Variants in RELB observed in about 807,000 individuals in gnomAD.
The protein encoded by RELB is transcription factor RelB.
A neutral mutation model predicts 55.4 loss-of-function variants in RELB; 14 were observed. The observed-to-expected ratio is 0.25, with a 90% CI of 0.17 to 0.40. The LOEUF is 0.40. RELB is among the 10% of genes least tolerant of loss of function. RELB has a pLI of 1.00. For missense variants in RELB, 669 were observed against 830.7 expected (o/e 0.81, Z 2.39); for synonymous variants, 409 against 371.3 (o/e 1.10, Z -1.17).
At chr19:45,032,441 A>C in intron 8 of RELB, 93 bp from the exon 9 acceptor site, 1 of 1,026,414 alleles carries the variant, frequency 9.7e-7, no homozygotes. Flanking sequence ...AAAAAGGGGG[A>C]ATATTAGTCT....
At position 45,028,845 on chromosome 19, in the gene RELB, C is replaced by T. The variant is rs200659038; in HGVS notation, c.887-43C>T. The T allele has an allele frequency of 1.8e-4, 275 of 1,511,630 alleles. No homozygotes were observed. The African/African-American group carries it at 3.1e-3, about 17-fold the overall frequency. The allele number at this position is 1,511,630 out of a possible 1,614,324, so 93.6% of individuals were successfully genotyped here. Reference sequence around the variant, plus strand: ...AGTAAGGCTTTGGTGACTGAATTCTCGGGATTTTTTTTAATACACTTCTTC... The same window carrying T: ...AGTAAGGCTTTGGTGACTGAATTCTTGGGATTTTTTTTAATACACTTCTTC... On this transcript the variant is annotated intron_variant, in intron 7 of 11. Transcript: ENST00000221452.
intron 5 of RELB, 75 bp downstream of exon 5, chr19:45,022,285 C>T (rs1971499522): frequency 1.4e-6 from 2 of 1,437,230 alleles, no homozygotes; most frequent in Non-Finnish European, 1.9e-6. Flanking sequence ...ACCCATGAAA[C>T]TTTAGAGCAG....
intron 4 of RELB, among the ~76,000 whole-genome samples, chr19:45,017,558 T>G (rs1485352983): frequency 6.6e-6 from 1 of 151,936 alleles, no homozygotes; most frequent in Non-Finnish European, 1.5e-5. Flanking sequence ...AAAGTTTTAG[T>G]TTTTTCCTGT....
chr19:45,029,155 G>A (rs185703045), intron 8 of RELB, among the ~76,000 whole-genome samples, 163 bp downstream of exon 8: 1 of 152,232 alleles, frequency 6.6e-6, no homozygotes, highest in African/African-American at 2.4e-5. Context: ...ACAGCTGATG[G>A]GTTCATTCAC....
intron 7 of RELB, 22 bp from the exon 8 acceptor site, chr19:45,028,866 T>C: frequency 6.4e-7 from 1 of 1,557,522 alleles, no homozygotes; most frequent in South Asian, 1.2e-5. Flanking sequence ...TTAATACACT[T>C]CTTCCTCTTG....
At chr19:45,037,365 C>A (rs1297943300) in intron 11 of RELB, 40 bp from the exon 12 acceptor site, 1 of 1,498,374 alleles carries the variant, frequency 6.7e-7, no homozygotes, top group Non-Finnish European at 8.8e-7. Context: ...AGAAGTTAGC[C>A]CTAAATCACA....
chr19:45,018,749 T>C (rs560267938), intron 4 of RELB, among the ~76,000 whole-genome samples: 1 of 151,080 alleles, frequency 6.6e-6, no homozygotes, highest in South Asian at 2.1e-4. Context: ...CGATCTCGGC[T>C]CACTGCAACT....
chr19:45,005,815 G>A (rs1377323753), intron 2 of RELB, among the ~76,000 whole-genome samples: 1 of 152,200 alleles, frequency 6.6e-6, no homozygotes, highest in Non-Finnish European at 1.5e-5. Flanking sequence ...TGTTGGCCAG[G>A]CCGGTCTGGA....
At chr19:45,034,653 C>T (rs1971666638) in intron 11 of RELB, 125 bp downstream of exon 11, 1 of 729,936 alleles carries the variant, frequency 1.4e-6, no homozygotes, top group East Asian at 2.7e-5. Flanking sequence ...AGCACTTAGC[C>T]AGCAACATAG....
In RELB at chr19:45,032,766, AG is replaced by A. The variant is rs1568405085; in HGVS notation, c.1207+20del. The A allele has an allele frequency of 1.3e-6, 2 of 1,589,924 alleles. No individual in the cohort carries two copies. The highest frequency in any genetic ancestry group is 2.3e-5 in the South Asian group (2 of 88,254). ...GCGACCATGGTAACTACAGCAACCC[AG>A]GGTGACCCACCACCTCGGAGACTAG... On this transcript the variant is annotated intron_variant, in intron 9 of 11. Coordinates refer to ENST00000221452, the MANE Select transcript of RELB (RefSeq NM_006509.4).
intron 2 of RELB, among the ~76,000 whole-genome samples, chr19:45,007,531 C>A (rs548033499): frequency 2.6e-5 from 4 of 152,206 alleles, no homozygotes; most frequent in Non-Finnish European, 4.4e-5. Context: ...AGATTCAAAT[C>A]AACTCTATGT....
intron 1 of RELB, 65 bp from the exon 2 acceptor site, chr19:45,002,884 T>C: frequency 1.4e-6 from 2 of 1,405,920 alleles, no homozygotes; most frequent in Non-Finnish European, 2.0e-6. Flanking sequence ...GGGGCTTCCT[T>C]GGGATATTCT....
At chr19:45,003,195 G>A (rs1971236058) in intron 2 of RELB, among the ~76,000 whole-genome samples, 199 bp downstream of exon 2, 1 of 151,982 alleles carries the variant, frequency 6.6e-6, no homozygotes. Context: ...CAGGTGGCCG[G>A]GCGCGGTGGC....
At chr19:45,027,047 G>A (rs1187787030) in intron 7 of RELB, among the ~76,000 whole-genome samples, 1 of 151,906 alleles carries the variant, frequency 6.6e-6, no homozygotes, top group Non-Finnish European at 1.5e-5. Flanking sequence ...GGCTAACATG[G>A]CGAAACCCCG....
chr19:45,020,747 T>TG (rs35373181), intron 4 of RELB, among the ~76,000 whole-genome samples: 98,775 of 150,698 alleles, frequency 0.66, 32,519 homozygotes, highest in East Asian at 0.81. Flanking sequence ...TTAGTAGAGA[T>TG]GGGGTTTCAC....
chr19:45,012,117 G>A lies in RELB; in HGVS notation c.345G>A (p.Val115=). ...PPWGCPLGRL[V]SPAPGPGPQP... Reference sequence around the variant, plus strand: ...GGGGCTGCCCCCTGGGCCGACTAGTGTCCCCAGCGCCGGGCCCGGGCCCGC... The same window carrying A: ...GGGGCTGCCCCCTGGGCCGACTAGTATCCCCAGCGCCGGGCCCGGGCCCGC... Residue 115 remains valine (V), a synonymous_variant, in exon 4 of 12, where the codon GTG becomes GTA. Coordinates refer to ENST00000221452, the MANE Select transcript of RELB (RefSeq NM_006509.4). 6.4e-7 allele frequency: 1 copy of A among 1,558,996 alleles called. No individual in the cohort carries two copies. The highest frequency in any genetic ancestry group is 8.6e-7 in the Non-Finnish European group (1 of 1,160,488).
At chr19:45,016,793 G>A (rs1375094929) in intron 4 of RELB, among the ~76,000 whole-genome samples, 1 of 152,162 alleles carries the variant, frequency 6.6e-6, no homozygotes, top group East Asian at 1.9e-4. Context: ...GGAGGCGGAG[G>A]TTGCAGTGAG....
rs574782859 is a variant in RELB, at chr19:45,014,460, C to T, written c.504+2184C>T. On this transcript the variant is annotated intron_variant, in intron 4 of 11. Transcript: ENST00000221452. ...TGTTGGAATTACATGTGTGAGCCAC[C>T]GCACCGGCCTAATTTCTAAGTCTTC... 3.3e-5 allele frequency among the ~76,000 whole-genome samples: 5 copies of T among 151,800 alleles called. No homozygotes were observed. The East Asian group carries it at 5.8e-4, about 18-fold the overall frequency.
At chr19:45,012,636 C>G (rs1281001801) in intron 4 of RELB, among the ~76,000 whole-genome samples, 3 of 150,490 alleles carry the variant, frequency 2.0e-5, no homozygotes, top group Non-Finnish European at 1.5e-5. Flanking sequence ...TTTAGGAGGC[C>G]GAGGTGGGAG....
Sources: gnomAD v4.1 joint callset for allele counts (sites outside exome capture counted in the v4.1 genomes callset) on GRCh38, gnomAD v4.1.1 for gene constraint, MANE v1.5 for transcripts, NCBI Gene and HGNC (gene_info 2026-07-23, HGNC 2026-07-21) for gene names.